TENM1: variants seen among roughly 807,000 people sequenced by gnomAD.
TENM1 encodes the protein teneurin transmembrane protein 1.
TENM1 carries 35 observed loss-of-function variants against 174.8 expected under a neutral mutation model. That is an observed-to-expected ratio of 0.20 (90% CI 0.15 to 0.27). The LOEUF is 0.27. TENM1 is among the 10% of genes least tolerant of loss of function. TENM1 has a pLI of 1.00. For missense variants in TENM1, 1,633 were observed against 2,130.1 expected (o/e 0.77, Z 4.59); for synonymous variants, 781 against 798.7 (o/e 0.98, Z 0.37).
At chrX:124,623,113 C>G (rs1308067735) in intron 11 of TENM1, among the ~76,000 whole-genome samples, 1 of 111,705 alleles carries the variant, frequency 9.0e-6, no homozygotes, top group Non-Finnish European at 1.9e-5. Flanking sequence ...GAAACAAACC[C>G]ATTGTGTGTA....
chrX:124,529,256 G>A (rs1177193804), intron 16 of TENM1, among the ~76,000 whole-genome samples: 1 of 111,863 alleles, frequency 8.9e-6, no homozygotes, highest in Non-Finnish European at 1.9e-5. Context: ...ATGTTGTTGT[G>A]AGCAAATCCT....
chrX:125,060,555 G>A, the TENM1 span, among the ~76,000 whole-genome samples: 1 of 110,927 alleles, frequency 9.0e-6, no homozygotes, highest in Non-Finnish European at 1.9e-5. Flanking sequence ...ACAATGTGTT[G>A]AAAAACTTTC....
the TENM1 span, among the ~76,000 whole-genome samples, chrX:125,108,578 G>A: frequency 1.8e-5 from 2 of 109,335 alleles, no homozygotes; most frequent in Admixed American, 2.0e-4. Flanking sequence ...AAAATTCGCT[G>A]GGCATGGTCG....
chrX:125,002,762 C>T, the TENM1 span, among the ~76,000 whole-genome samples: 62 of 111,862 alleles, frequency 5.5e-4, no homozygotes, highest in African/African-American at 2.0e-3. Context: ...AAATGGACTG[C>T]TTCCATAAGA....
intron 6 of TENM1, among the ~76,000 whole-genome samples, chrX:124,666,205 T>G (rs987892038): frequency 3.6e-5 from 4 of 111,756 alleles, no homozygotes; most frequent in African/African-American, 1.3e-4. Context: ...GCCAGGCTTA[T>G]GCAAAATTGT....
Position 124,755,310 on chromosome X carries a change from T to C in TENM1, c.536-18113A>G, listed in dbSNP as rs775050495. On this transcript the variant is annotated intron_variant, in intron 3 of 31. Coordinates refer to ENST00000422452, the Ensembl canonical transcript of TENM1. ...GTTTTATCAGAGACTAGGATGGCAA[T>C]CCCGGCCTTTTTTTGTTTTCCATTT... Among the ~76,000 whole-genome samples, 569 of 110,378 alleles carry C rather than the reference T, an allele frequency of 5.2e-3. 7 individuals carry two copies. The highest frequency in any genetic ancestry group is 0.018 in the African/African-American group (547 of 29,827).
intron 3 of TENM1, among the ~76,000 whole-genome samples, chrX:124,836,460 G>A (rs957355271): frequency 3.6e-5 from 4 of 112,042 alleles, no homozygotes; most frequent in African/African-American, 1.3e-4. Context: ...GCAAAATAAA[G>A]TCTTGATTTT....
intron 11 of TENM1, among the ~76,000 whole-genome samples, chrX:124,582,727 C>T (rs905152052): frequency 8.9e-6 from 1 of 111,761 alleles, no homozygotes; most frequent in South Asian, 3.7e-4. Context: ...TGAAGCAGGG[C>T]GAGGCATTGC....
intron 11 of TENM1, among the ~76,000 whole-genome samples, chrX:124,621,408 G>A (rs886974707): frequency 9.0e-6 from 1 of 111,611 alleles, no homozygotes; most frequent in East Asian, 2.8e-4. Context: ...AGGAGGCGGA[G>A]GTTGCAGTGA....
intron 4 of TENM1, among the ~76,000 whole-genome samples, chrX:124,719,246 T>G (rs771311847): frequency 9.1e-6 from 1 of 110,464 alleles, no homozygotes; most frequent in African/African-American, 3.3e-5. Flanking sequence ...TATTTGCACT[T>G]GGGATTGGTC....
At chrX:124,386,281 A>G (rs765340705) in intron 28 of TENM1, among the ~76,000 whole-genome samples, 1 of 111,437 alleles carries the variant, frequency 9.0e-6, no homozygotes, top group East Asian at 2.9e-4. Context: ...TAACCAAGCA[A>G]TTACAATATA....
At chrX:125,108,216 C>G in the TENM1 span, among the ~76,000 whole-genome samples, 1 of 111,265 alleles carries the variant, frequency 9.0e-6, no homozygotes, top group African/African-American at 3.3e-5. Context: ...GAGGATGCCT[C>G]AGAGTCTAAT....
At chrX:124,963,891 C>T (rs2058692138), upstream of TENM1, 7 of 510,024 alleles carry the variant, frequency 1.4e-5, no homozygotes, top group Non-Finnish European at 3.3e-6. Flanking sequence ...GGCAGATTCA[C>T]AATTGGTCCT....
chrX:124,603,217 C>G (rs780427435), intron 11 of TENM1, among the ~76,000 whole-genome samples: 2 of 111,307 alleles, frequency 1.8e-5, no homozygotes, highest in South Asian at 3.8e-4. Flanking sequence ...CTTAAAGTCA[C>G]CTGGTTTGGG....
intron 15 of TENM1, among the ~76,000 whole-genome samples, chrX:124,534,662 A>T (rs1320705775): frequency 8.9e-6 from 1 of 111,751 alleles, no homozygotes; most frequent in Non-Finnish European, 1.9e-5. Context: ...CCAGCAGGGG[A>T]TCTAGCAGCA....
chrX:124,634,746 A>G, intron 11 of TENM1, among the ~76,000 whole-genome samples: 1 of 112,213 alleles, frequency 8.9e-6, no homozygotes. Context: ...TGGCACTTTC[A>G]ATAAACGGGA....
intron 28 of TENM1, among the ~76,000 whole-genome samples, chrX:124,389,544 A>G (rs1243897666): frequency 1.8e-5 from 2 of 111,438 alleles, no homozygotes; most frequent in African/African-American, 6.5e-5. Flanking sequence ...ATTTTGGTAA[A>G]TTCAATGTTC....
intron 11 of TENM1, among the ~76,000 whole-genome samples, chrX:124,638,821 C>T (rs1460545174): frequency 9.0e-6 from 1 of 111,480 alleles, no homozygotes; most frequent in Non-Finnish European, 1.9e-5. Flanking sequence ...ACCTACTTTT[C>T]GGCCTATGTC....
At chrX:124,749,860 C>A (rs1471010271) in intron 3 of TENM1, among the ~76,000 whole-genome samples, 1 of 111,578 alleles carries the variant, frequency 9.0e-6, no homozygotes, top group Non-Finnish European at 1.9e-5. Context: ...TTCATTAAAG[C>A]ATTGCATATT....
Sources: gnomAD v4.1 joint callset for allele counts (sites outside exome capture counted in the v4.1 genomes callset) on GRCh38, gnomAD v4.1.1 for gene constraint, MANE v1.5 for transcripts, NCBI Gene and HGNC (gene_info 2026-07-23, HGNC 2026-07-21) for gene names.